Variants in SEC24B observed in about 807,000 individuals in gnomAD.
The protein encoded by SEC24B is SEC24 homolog B, COPII component.
A neutral mutation model predicts 142.8 loss-of-function variants in SEC24B; 45 were observed. The ratio of observed to expected loss-of-function variants is 0.32; its 90% CI spans 0.25 to 0.40. The LOEUF is 0.40. Ranked by LOEUF, SEC24B falls within the 10% of genes least tolerant of loss-of-function variation. The pLI is 1.00. For missense variants in SEC24B, 1,409 were observed against 1,526.8 expected (o/e 0.92, Z 1.29); for synonymous variants, 574 against 568.2 (o/e 1.01, Z -0.15).
At chr4:109,498,049 C>G (rs1288196178) in intron 6 of SEC24B, among the ~76,000 whole-genome samples, 1 of 152,144 alleles carries the variant, frequency 6.6e-6, no homozygotes, top group African/African-American at 2.4e-5. Context: ...CAGTACCAGG[C>G]TTGGTTCTAA....
intron 22 of SEC24B, 26 bp downstream of exon 22, chr4:109,533,711 CT>C: frequency 7.6e-7 from 1 of 1,311,054 alleles, no homozygotes; most frequent in Non-Finnish European, 1.1e-6. Context: ...ACACCTTTAA[CT>C]TTTTGTTTGC....
chr4:109,443,780 G>A (rs1729154910), intron 1 of SEC24B, among the ~76,000 whole-genome samples: 1 of 152,182 alleles, frequency 6.6e-6, no homozygotes, highest in Admixed American at 6.5e-5. Context: ...AAGTAATAGG[G>A]AATCTTAAGG....
chr4:109,446,755 A>G (rs1344745851), intron 1 of SEC24B, among the ~76,000 whole-genome samples: 2 of 152,238 alleles, frequency 1.3e-5, no homozygotes, highest in Non-Finnish European at 2.9e-5. Flanking sequence ...TTAAAGTTTC[A>G]TGTTCTTTGT....
intron 9 of SEC24B, among the ~76,000 whole-genome samples, 185 bp from the exon 10 acceptor site, chr4:109,513,562 G>A (rs1350089747): frequency 6.6e-6 from 1 of 152,184 alleles, no homozygotes; most frequent in Non-Finnish European, 1.5e-5. Flanking sequence ...GATTGCAGGC[G>A]TGAGCCACCG....
intron 1 of SEC24B, chr4:109,449,612 C>A: frequency 2.3e-6 from 1 of 429,360 alleles, no homozygotes; most frequent in Non-Finnish European, 4.6e-6. Flanking sequence ...GCCCTCTATC[C>A]ACCTTGTCAC....
intron 3 of SEC24B, among the ~76,000 whole-genome samples, chr4:109,481,071 T>G (rs1356291805): frequency 6.6e-6 from 1 of 152,142 alleles, no homozygotes; most frequent in Non-Finnish European, 1.5e-5. Context: ...TTTCTGTAAT[T>G]CTCACACTTG....
rs138373106 is a variant in SEC24B, at chr4:109,447,771, G to A, written c.133+13769G>A. Among the ~76,000 whole-genome samples, 119 of 152,250 alleles carry A rather than the reference G, an allele frequency of 7.8e-4. 1 individual carries two copies. The East Asian group carries it at 0.018, about 23-fold the overall frequency. ...GTCTTTGCATTGTTTTCTATTTACT[G>A]CTGTAACAAATGACCACAAATTGGT... is the stretch of plus-strand genomic sequence containing the variant. On this transcript the variant is annotated intron_variant, in intron 1 of 23. Coordinates refer to ENST00000265175, the MANE Select transcript of SEC24B (RefSeq NM_006323.5).
rs1391359707 is a variant in SEC24B at position 109,473,121 on chromosome 4, C to T, written c.995C>T (p.Thr332Ile). ...SGSSSTRTPP[T>I]ANHPVEPVTS... is the part of the protein sequence containing the mutation. ...TCCTCATCAACAAGAACACCTCCCACTGCAAATCACCCAGTTGAGCCTGTG... is the reference window on the plus strand; with the variant it reads ...TCCTCATCAACAAGAACACCTCCCATTGCAAATCACCCAGTTGAGCCTGTG... Residue 332 changes from threonine (T) to isoleucine (I), a missense_variant, in exon 3 of 24, where the codon ACT (threonine) becomes ATT (isoleucine). By Grantham distance (89) the Thr-to-Ile change is moderately conservative (BLOSUM62 -1). This residue lies in a region of SEC24B where 709 missense variants were observed against 673.5 expected (regional missense o/e 1.05). Coordinates refer to ENST00000265175, the MANE Select transcript of SEC24B (RefSeq NM_006323.5). 6.2e-7 allele frequency: 1 copy of T among 1,600,132 alleles called. No homozygotes were observed. The highest frequency in any genetic ancestry group is 8.5e-7 in the Non-Finnish European group (1 of 1,173,564).
At chr4:109,466,423 G>A (rs1731869965) in intron 2 of SEC24B, among the ~76,000 whole-genome samples, 1 of 152,040 alleles carries the variant, frequency 6.6e-6, no homozygotes, top group African/African-American at 2.4e-5. Flanking sequence ...GTTTTGTTTT[G>A]TTTTTGAGAT....
intron 3 of SEC24B, among the ~76,000 whole-genome samples, chr4:109,475,993 T>C (rs1339133979): frequency 1.3e-4 from 19 of 149,432 alleles, no homozygotes; most frequent in African/African-American, 3.4e-4. Context: ...TCTCTCTCTT[T>C]TTTTTTTTTT....
At chr4:109,458,559 T>TA (rs905313779) in intron 1 of SEC24B, among the ~76,000 whole-genome samples, 7 of 152,108 alleles carry the variant, frequency 4.6e-5, no homozygotes, top group African/African-American at 7.2e-5. Flanking sequence ...TGGTTTATGT[T>TA]AAAAAAATGA....
intron 7 of SEC24B, among the ~76,000 whole-genome samples, chr4:109,507,458 G>C (rs913447409): frequency 6.6e-6 from 1 of 151,756 alleles, no homozygotes; most frequent in Admixed American, 6.6e-5. Context: ...ATTTTTATTA[G>C]AGATGGGGTT....
chr4:109,498,394 G>A (rs1052370730), intron 6 of SEC24B, among the ~76,000 whole-genome samples: 3 of 152,078 alleles, frequency 2.0e-5, no homozygotes, highest in Non-Finnish European at 4.4e-5. Flanking sequence ...GTCTTGCTCT[G>A]TCGCCCAGGC....
chr4:109,503,636 AG>A (rs1325357741), intron 6 of SEC24B, among the ~76,000 whole-genome samples: 1 of 152,192 alleles, frequency 6.6e-6, no homozygotes, highest in East Asian at 1.9e-4. Flanking sequence ...CTGGGATTGC[AG>A]GCTTGAGCCA....
chr4:109,441,055 A>C (rs559927858), intron 1 of SEC24B, among the ~76,000 whole-genome samples: 3 of 152,240 alleles, frequency 2.0e-5, no homozygotes, highest in African/African-American at 7.2e-5. Flanking sequence ...ATGGGTTTTA[A>C]GTTTTCTAAA....
intron 3 of SEC24B, among the ~76,000 whole-genome samples, chr4:109,480,264 G>A (rs1219867112): frequency 6.6e-6 from 1 of 151,438 alleles, no homozygotes; most frequent in African/African-American, 2.4e-5. Flanking sequence ...AATCAAGTAT[G>A]CTAGTCACCT....
At chr4:109,469,022 T>G (rs6851484) in intron 2 of SEC24B, among the ~76,000 whole-genome samples, 151,987 of 152,302 alleles carry the variant, frequency 1, 75,836 homozygotes, top group Non-Finnish European at 1. Context: ...GCCCGGCATG[T>G]TGGCTCAGCC....
intron 7 of SEC24B, 102 bp downstream of exon 7, chr4:109,506,614 C>A: frequency 1.2e-6 from 1 of 853,374 alleles, no homozygotes; most frequent in Non-Finnish European, 1.7e-6. Flanking sequence ...TTGGAAGTTT[C>A]ATTAATGTTG....
In SEC24B at chr4:109,448,501, T is replaced by C. The variant is rs186047213; in HGVS notation, c.134-14400T>C. Among the ~76,000 whole-genome samples the C allele has an allele frequency of 2.7e-3, 407 of 152,152 alleles. 3 individuals carry two copies. The highest frequency in any genetic ancestry group is 8.6e-3 in the African/African-American group (355 of 41,470). ...GTCAGCTTCCTCTAACAATAACTTA[T>C]GAAACTTTTTTTTTTTTGAGCCTCC... is the stretch of plus-strand genomic sequence containing the variant. On this transcript the variant is annotated intron_variant, in intron 1 of 23. Coordinates refer to ENST00000265175, the MANE Select transcript of SEC24B (RefSeq NM_006323.5).
Sources: gnomAD v4.1 joint callset for allele counts (sites outside exome capture counted in the v4.1 genomes callset) on GRCh38, gnomAD v4.1.1 for gene constraint, gnomAD v4.1.1 regional missense constraint, MANE v1.5 for transcripts, NCBI Gene and HGNC (gene_info 2026-07-23, HGNC 2026-07-21) for gene names.